The following GFI1B variants were observed in gnomAD, a reference collection of about 807,000 sequenced individuals.
GFI1B encodes the protein growth factor independent 1B transcriptional repressor.
A neutral mutation model predicts 35.3 loss-of-function variants in GFI1B; 20 were observed. The ratio of observed to expected loss-of-function variants is 0.57; its 90% CI spans 0.40 to 0.82. The LOEUF is 0.82. Among genes scored for constraint, GFI1B ranks in the 40% least tolerant of loss-of-function variants. The pLI, the probability that GFI1B is intolerant of heterozygous loss-of-function variation, is 0.00. For synonymous variants in GFI1B, 178 were observed against 177.6 expected (o/e 1.00, Z -0.02); for missense variants, 430 against 446.3 (o/e 0.96, Z 0.33).
chr9:132,971,137 T>C (rs534172405), intron 1 of GFI1B, among the ~76,000 whole-genome samples: 1 of 152,342 alleles, frequency 6.6e-6, no homozygotes, highest in East Asian at 1.9e-4. Flanking sequence ...GTGCTGGGAT[T>C]ATGGGTGTGA....
At chr9:132,950,388 C>G (rs140058358) in intron 1 of GFI1B, among the ~76,000 whole-genome samples, 19 of 151,948 alleles carry the variant, frequency 1.3e-4, no homozygotes, top group African/African-American at 4.6e-4. Context: ...TCCACCACAC[C>G]GCCTGCTTAC....
intron 1 of GFI1B, among the ~76,000 whole-genome samples, chr9:132,970,026 C>T (rs563600040): frequency 5.3e-5 from 8 of 152,246 alleles, no homozygotes; most frequent in Admixed American, 2.0e-4. Context: ...CTCAGCCTCC[C>T]GCCTTCCAGC....
chr9:132,982,310 G>A (rs569025980), intron 1 of GFI1B, among the ~76,000 whole-genome samples: 21 of 152,324 alleles, frequency 1.4e-4, no homozygotes, highest in Admixed American at 1.4e-3. Context: ...GGCTGATGCG[G>A]TCACAAGCTC....
chr9:132,952,655 A>G (rs1245955553), intron 1 of GFI1B: 4 of 152,044 alleles, frequency 2.6e-5, no homozygotes, highest in Non-Finnish European at 5.9e-5. Flanking sequence ...TTCCCTTTTT[A>G]TAGTGTTGGC....
chr9:132,974,754 TA>T (rs1848596496), upstream of GFI1B, among the ~76,000 whole-genome samples: 1 of 152,072 alleles, frequency 6.6e-6, no homozygotes, highest in African/African-American at 2.4e-5. Context: ...TCTGCAGAAG[TA>T]ACATTTCCGC....
chr9:132,987,270 A>G lies in GFI1B; in HGVS notation c.101-12A>G, dbSNP rs1849104338. The G allele has an allele frequency of 3.1e-6, 5 of 1,613,294 alleles. No individual in the cohort carries two copies. Among genetic ancestry groups the G allele is most frequent in the East Asian group, 2.2e-5 (1 of 44,830 alleles). ...CGTGGCTATTGATGCTGATGGTCCT[A>G]TCTCCCCACAGTGCCCAGAGACCAG... On this transcript the variant is annotated splice_polypyrimidine_tract_variant and intron_variant, in intron 2 of 6. Transcript: ENST00000372122.
At chr9:132,946,684 G>C (rs1848111496) in intron 1 of GFI1B, 1 of 152,278 alleles carries the variant, frequency 6.6e-6, no homozygotes, top group South Asian at 2.1e-4. Context: ...CCAGTGATGG[G>C]AGACCTAAGG....
intron 1 of GFI1B, among the ~76,000 whole-genome samples, chr9:132,961,433 A>AC (rs1052236849): frequency 4.0e-5 from 6 of 150,826 alleles, no homozygotes; most frequent in South Asian, 2.1e-4. Flanking sequence ...AAAAAAAAAA[A>AC]ACAACAGAAA....
At chr9:132,957,895 A>G (rs1848305790) in intron 1 of GFI1B, among the ~76,000 whole-genome samples, 1 of 152,224 alleles carries the variant, frequency 6.6e-6, no homozygotes. Flanking sequence ...TTGAGTACCG[A>G]ACAGTTTCCT....
chr9:132,987,190 C>A, intron 2 of GFI1B, 92 bp from the exon 3 acceptor site: 2 of 1,356,042 alleles, frequency 1.5e-6, no homozygotes, highest in Non-Finnish European at 2.1e-6. Context: ...CTCTCTGGGC[C>A]TCCTCCTCCT....
upstream of GFI1B, among the ~76,000 whole-genome samples, chr9:132,976,918 G>T (rs1326098227): frequency 6.6e-6 from 1 of 151,934 alleles, no homozygotes; most frequent in Non-Finnish European, 1.5e-5. Context: ...CTCCAGTCTG[G>T]GCTACAAAGC....
In GFI1B at chr9:132,991,059, C is replaced by T. The variant is rs148238677; in HGVS notation, c.*9C>T. The T allele has an allele frequency of 2.7e-4, 432 of 1,611,526 alleles. 2 individuals are homozygous for T. The highest frequency in any genetic ancestry group is 2.0e-3 in the African/African-American group (153 of 75,062). On this transcript the variant is annotated 3_prime_UTR_variant, in exon 7 of 7. Transcript: ENST00000372122. ...AGCACAATCTCAAGTGAGGCTGCGC[C>T]GGCTCCCAGCTCCTGGCCAGCCTGC...
intron 1 of GFI1B, among the ~76,000 whole-genome samples, chr9:132,970,049 C>A (rs1848510003): frequency 6.6e-6 from 1 of 152,030 alleles, no homozygotes; most frequent in South Asian, 2.1e-4. Flanking sequence ...ATTCTTAGTG[C>A]TGATCAGTGT....
In GFI1B at chr9:132,991,465, G is replaced by A. The variant is rs1443663025; in HGVS notation, c.*415G>A. ...CTTGGATTTTAGCCGGCCTCTTTCT[G>A]GCTATAACAGGCAGAGTCGGAGCTG... On this transcript the variant is annotated 3_prime_UTR_variant, in exon 7 of 7. Transcript: ENST00000372122. The A allele has an allele frequency of 4.7e-6, 1 of 213,842 alleles. No individual in the cohort carries two copies. The highest frequency in any genetic ancestry group is 9.6e-6 in the Non-Finnish European group (1 of 103,692). 13.2% of individuals were successfully genotyped at this position (213,842 alleles called of 1,614,324 possible).
chr9:132,947,896 G>A (rs1052749054), intron 1 of GFI1B, among the ~76,000 whole-genome samples: 5 of 147,678 alleles, frequency 3.4e-5, no homozygotes, highest in Admixed American at 2.7e-4. Flanking sequence ...GTTGCAGCTC[G>A]GCGTTTGCCG....
chr9:132,974,928 G>A (rs1848598953), upstream of GFI1B: 1 of 152,152 alleles, frequency 6.6e-6, no homozygotes, highest in Non-Finnish European at 1.5e-5. Flanking sequence ...AATTTTCTGT[G>A]ACATGAATTA....
intron 1 of GFI1B, among the ~76,000 whole-genome samples, chr9:132,956,574 C>T (rs1564523349): frequency 6.6e-6 from 1 of 152,208 alleles, no homozygotes; most frequent in Non-Finnish European, 1.5e-5. Flanking sequence ...TCTCCAAGTG[C>T]ACCCTTTAAA....
intron 1 of GFI1B, 106 bp from the exon 2 acceptor site, chr9:132,986,553 G>A (rs1319875361): frequency 4.2e-6 from 3 of 714,722 alleles, no homozygotes; most frequent in Non-Finnish European, 7.7e-6. Flanking sequence ...GGGGGCCACT[G>A]TTCAACCCAG....
upstream of GFI1B, chr9:132,978,476 A>G (rs1848697757): frequency 6.6e-6 from 1 of 152,208 alleles, no homozygotes; most frequent in Non-Finnish European, 1.5e-5. Context: ...GTTATTCAAA[A>G]TTTCCAGCGA....
Sources: gnomAD v4.1 joint callset for allele counts (sites outside exome capture counted in the v4.1 genomes callset) on GRCh38, gnomAD v4.1.1 for gene constraint, MANE v1.5 for transcripts, NCBI Gene and HGNC (gene_info 2026-07-23, HGNC 2026-07-21) for gene names.